Variants in LDAH observed in about 807,000 individuals in gnomAD.
LDAH encodes the protein lipid droplet associated hydrolase, also known as lipid droplet-associated hydrolase.
A neutral mutation model predicts 29.6 loss-of-function variants in LDAH; 26 were observed. The ratio of observed to expected loss-of-function variants is 0.88; its 90% confidence interval spans 0.64 to 1.22. LDAH has a LOEUF of 1.22. LDAH is among the 50% of genes most tolerant of loss of function. The probability of loss-of-function intolerance (pLI) is 0.00; values close to 1 mark genes in which losing one functional copy is unlikely to be tolerated. For synonymous variants in LDAH, 117 were observed against 133.0 expected, an observed-to-expected ratio of 0.88 and a Z score of 0.83; for missense variants, 344 against 387.3, an observed-to-expected ratio of 0.89 and a Z score of 0.94.
intron 4 of LDAH, among the ~76,000 whole-genome samples, chr2:20,767,518 G>C (rs1223098048): frequency 6.6e-6 from 1 of 152,222 alleles, no homozygotes; most frequent in Non-Finnish European, 1.5e-5. Flanking sequence ...AAATTGAGGG[G>C]GTGTGTTGAG....
chr2:20,752,275 G>C (rs548517216), intron 4 of LDAH, among the ~76,000 whole-genome samples: 1 of 152,172 alleles, frequency 6.6e-6, no homozygotes, highest in South Asian at 2.1e-4. Flanking sequence ...AAATTCCACT[G>C]AAAGCATAGA....
At position 20,690,208 on chromosome 2, in the gene LDAH, C is replaced by G. The variant is rs370429765; in HGVS notation, c.787-3114G>C. Among the ~76,000 whole-genome samples, 220 of 152,284 alleles carry G rather than the reference C, an allele frequency of 1.4e-3. 3 individuals carry two copies. In the South Asian group the frequency reaches 0.043, roughly 30 times the overall value. ...AACATGGATTAAGGGACCCGACACC[C>G]ACCTCAGGGTATCAAGAGACAAATA... On this transcript the variant is annotated intron_variant, in intron 6 of 6. Transcript: ENST00000237822.
At chr2:20,715,646 C>T (rs964290407) in intron 5 of LDAH, among the ~76,000 whole-genome samples, 1 of 152,140 alleles carries the variant, frequency 6.6e-6, no homozygotes, top group African/African-American at 2.4e-5. Flanking sequence ...TGTCTCAGCC[C>T]AAAATTTCCT....
chr2:20,760,423 G>T (rs965952060), intron 4 of LDAH, among the ~76,000 whole-genome samples: 1 of 152,230 alleles, frequency 6.6e-6, no homozygotes, highest in African/African-American at 2.4e-5. Flanking sequence ...ACTTGATATT[G>T]CACAGTTTCT....
At chr2:20,822,258 G>A (rs1673372943) in intron 1 of LDAH, among the ~76,000 whole-genome samples, 1 of 152,010 alleles carries the variant, frequency 6.6e-6, no homozygotes, top group South Asian at 2.1e-4. Context: ...CCGAGTAGCT[G>A]GGACTACAGG....
At chr2:20,784,739 T>C (rs1340331162) in intron 3 of LDAH, among the ~76,000 whole-genome samples, 1 of 151,896 alleles carries the variant, frequency 6.6e-6, no homozygotes, top group East Asian at 1.9e-4. Context: ...ATCCAAAAAT[T>C]AGCCAGGTGT....
At chr2:20,811,732 T>C (rs944335169) in intron 1 of LDAH, among the ~76,000 whole-genome samples, 8 of 151,964 alleles carry the variant, frequency 5.3e-5, no homozygotes, top group Non-Finnish European at 1.0e-4. Flanking sequence ...GATCCACCCC[T>C]CTCGGCCTCC....
chr2:20,763,901 C>A (rs975590362), intron 4 of LDAH, among the ~76,000 whole-genome samples: 1 of 151,804 alleles, frequency 6.6e-6, no homozygotes, highest in African/African-American at 2.4e-5. Flanking sequence ...CACTTTCTTG[C>A]AGCTTTCCAA....
intron 1 of LDAH, among the ~76,000 whole-genome samples, chr2:20,818,243 A>T (rs531660572): frequency 6.6e-6 from 1 of 152,152 alleles, no homozygotes; most frequent in Admixed American, 6.6e-5. Flanking sequence ...GTTTTTTGCA[A>T]CTTCCTCTGA....
chr2:20,793,999 G>A (rs1035367457), intron 2 of LDAH, among the ~76,000 whole-genome samples: 8 of 152,256 alleles, frequency 5.3e-5, no homozygotes, highest in African/African-American at 1.9e-4. Context: ...GTATTAGTCT[G>A]TTTTCATGCT....
At chr2:20,739,842 A>T in intron 5 of LDAH, 129 bp downstream of exon 5, 2 of 609,252 alleles carry the variant, frequency 3.3e-6, no homozygotes, top group South Asian at 2.7e-5. Flanking sequence ...TTCTAGTTTT[A>T]AACTTTTGGA....
At chr2:20,729,727 C>A (rs887623413) in intron 5 of LDAH, among the ~76,000 whole-genome samples, 6 of 152,168 alleles carry the variant, frequency 3.9e-5, no homozygotes, top group Non-Finnish European at 5.9e-5. Context: ...AATCCATGTA[C>A]CTTTTACCCA....
intron 5 of LDAH, among the ~76,000 whole-genome samples, chr2:20,724,454 G>A (rs923801871): frequency 1.3e-5 from 2 of 152,222 alleles, no homozygotes; most frequent in Non-Finnish European, 2.9e-5. Context: ...AGGAAGGGTT[G>A]TTAAGTGAAA....
At chr2:20,783,644 G>A (rs1670353515) in intron 3 of LDAH, among the ~76,000 whole-genome samples, 1 of 152,106 alleles carries the variant, frequency 6.6e-6, no homozygotes, top group African/African-American at 2.4e-5. Context: ...GTATATCTCT[G>A]TATATCCCTT....
At chr2:20,725,221 G>T (rs144421430) in intron 5 of LDAH, among the ~76,000 whole-genome samples, 1 of 150,480 alleles carries the variant, frequency 6.6e-6, no homozygotes, top group African/African-American at 2.5e-5. Context: ...GCACCATGAT[G>T]GGGGGTGGCT....
At chr2:20,821,548 T>C (rs549685179) in intron 1 of LDAH, among the ~76,000 whole-genome samples, 39 of 151,944 alleles carry the variant, frequency 2.6e-4, no homozygotes, top group African/African-American at 9.2e-4. Context: ...TTCTCACTCA[T>C]AGGTGGGAAT....
At chr2:20,756,198 C>A (rs768849468) in intron 4 of LDAH, among the ~76,000 whole-genome samples, 3 of 152,090 alleles carry the variant, frequency 2.0e-5, no homozygotes, top group Non-Finnish European at 4.4e-5. Flanking sequence ...CCATGCCCAG[C>A]TAATTTTTGT....
intron 5 of LDAH, among the ~76,000 whole-genome samples, chr2:20,723,768 C>A (rs1665829926): frequency 1.3e-5 from 2 of 152,100 alleles, no homozygotes; most frequent in African/African-American, 4.8e-5. Flanking sequence ...CAATGACTGT[C>A]AACAGCATTC....
intron 1 of LDAH, among the ~76,000 whole-genome samples, chr2:20,822,186 G>A (rs1039721245): frequency 1.3e-5 from 2 of 151,270 alleles, no homozygotes; most frequent in African/African-American, 4.9e-5. Context: ...GTGCAGTGGC[G>A]CCATCTCGGC....
Sources: gnomAD v4.1 joint callset for allele counts (sites outside exome capture counted in the v4.1 genomes callset) on GRCh38, gnomAD v4.1.1 for gene constraint, MANE v1.5 for transcripts, NCBI Gene and HGNC (gene_info 2026-07-23, HGNC 2026-07-21) for gene names.